Variants in PARD3B observed in about 807,000 individuals in gnomAD.
PARD3B encodes par-3 family cell polarity regulator beta.
PARD3B carries 103 observed loss-of-function variants against 130.2 expected under a neutral mutation model. The ratio of observed to expected loss-of-function variants is 0.79; its 90% CI spans 0.67 to 0.93. PARD3B has a LOEUF of 0.93. PARD3B is among the 40% of genes least tolerant of loss of function. The pLI, the probability that PARD3B is intolerant of heterozygous loss-of-function variation, is 0.00. For missense variants in PARD3B, 1,609 were observed against 1,499.2 expected (o/e 1.07, Z -1.21); for synonymous variants, 583 against 553.2 (o/e 1.05, Z -0.76).
chr2:204,855,550 AAAAT>A (rs57497717), intron 2 of PARD3B, among the ~76,000 whole-genome samples: 1,926 of 138,502 alleles, frequency 0.014, 44 homozygotes, highest in African/African-American at 0.054. Context: ...AAAAGAAAAA[AAAAT>A]ATATATATAT....
rs1051838446 is a variant in PARD3B, at chr2:205,325,503, T to G, written c.2630+23802T>G. 9.3e-5 allele frequency among the ~76,000 whole-genome samples: 13 copies of G among 140,264 alleles called. No individual in the cohort carries two copies. Among genetic ancestry groups the G allele is most frequent in the African/African-American group, 3.4e-4 (13 of 38,424 alleles). The allele number at this position is 140,264 out of a possible 152,430, so 92.0% of individuals were successfully genotyped here. Reference sequence around the variant, plus strand: ...ACACTCAGTACTGATAAAGATAGTTTACTAATATCATCTCATTGTTTATTA... The same window carrying G: ...ACACTCAGTACTGATAAAGATAGTTGACTAATATCATCTCATTGTTTATTA... On this transcript the variant is annotated intron_variant, in intron 18 of 22. Coordinates refer to ENST00000406610, the MANE Select transcript of PARD3B (RefSeq NM_001302769.2). This position sits in a 1 kb window ranked among gnomAD's most constrained non-coding sequence, Gnocchi z 4.1.
At chr2:204,934,530 C>A (rs1218599109) in intron 2 of PARD3B, among the ~76,000 whole-genome samples, 1 of 152,096 alleles carries the variant, frequency 6.6e-6, no homozygotes, top group Non-Finnish European at 1.5e-5. Context: ...AGTGACGTGT[C>A]CCTTGAATTA....
At chr2:205,391,275 A>T (rs2045850809) in intron 18 of PARD3B, among the ~76,000 whole-genome samples, 1 of 152,250 alleles carries the variant, frequency 6.6e-6, no homozygotes, top group Admixed American at 6.5e-5. Flanking sequence ...ACAAATGCGA[A>T]GGCAGTATCT....
At chr2:204,691,951 T>A (rs1210600791) in intron 2 of PARD3B, among the ~76,000 whole-genome samples, 1 of 152,134 alleles carries the variant, frequency 6.6e-6, no homozygotes, top group African/African-American at 2.4e-5. Flanking sequence ...AGAATCCTTT[T>A]ATCAGAACAT....
rs1691341303 is a variant in PARD3B at position 204,967,369 on chromosome 2, C to A, written c.394+2046C>A. Among the ~76,000 whole-genome samples, 2 of 152,190 alleles carry A rather than the reference C, an allele frequency of 1.3e-5. No homozygotes were observed. The highest frequency in any genetic ancestry group is 4.1e-4 in the South Asian group (2 of 4,834). On this transcript the variant is annotated intron_variant, in intron 3 of 22. Transcript: ENST00000406610. This position sits in a 1 kb window ranked among gnomAD's most constrained non-coding sequence, Gnocchi z 4.4. ...GCCATCAATTAGACTATTGCAGAGGCCTCAGACTGACCTCTTTCTTTACAC... is the reference window on the plus strand; with the variant it reads ...GCCATCAATTAGACTATTGCAGAGGACTCAGACTGACCTCTTTCTTTACAC...
chr2:204,817,677 A>G (rs1034719065), intron 2 of PARD3B, among the ~76,000 whole-genome samples: 10 of 152,076 alleles, frequency 6.6e-5, no homozygotes, highest in African/African-American at 2.4e-4. Context: ...CATCCTTCCT[A>G]TGAAATGTAG....
At chr2:204,851,477 G>T (rs966616548) in intron 2 of PARD3B, among the ~76,000 whole-genome samples, 7 of 152,084 alleles carry the variant, frequency 4.6e-5, no homozygotes, top group African/African-American at 1.7e-4. Context: ...CACCAAACTA[G>T]GTTCTGAATG....
intron 4 of PARD3B, among the ~76,000 whole-genome samples, chr2:205,082,564 T>G (rs1701483910): frequency 6.6e-6 from 1 of 152,210 alleles, no homozygotes; most frequent in Non-Finnish European, 1.5e-5. Flanking sequence ...AGGACACTAC[T>G]GTAATTTATG....
intron 13 of PARD3B, among the ~76,000 whole-genome samples, chr2:205,180,950 T>C (rs1184848998): frequency 1.3e-5 from 2 of 152,202 alleles, no homozygotes; most frequent in African/African-American, 2.4e-5. Flanking sequence ...TTCTGAGGAA[T>C]CTTGCTGGCA....
At chr2:204,562,342 A>C (rs2031372760) in intron 1 of PARD3B, among the ~76,000 whole-genome samples, 1 of 152,212 alleles carries the variant, frequency 6.6e-6, no homozygotes, top group African/African-American at 2.4e-5. Flanking sequence ...AGATTTATCC[A>C]AAGTGTGAGG....
In PARD3B at chr2:205,369,289, C is replaced by T. The variant is rs540809880; in HGVS notation, c.2631-31724C>T. Among the ~76,000 whole-genome samples the T allele has an allele frequency of 1.9e-4, 29 of 152,260 alleles. 1 individual carries two copies. Among genetic ancestry groups the T allele is most frequent in the African/African-American group, 7.0e-4 (29 of 41,566 alleles). ...TACCATTACCAAACCTGCTCTCCAG[C>T]GTCTAGTCACCACCCTTATTCTCCT... On this transcript the variant is annotated intron_variant, in intron 18 of 22. Coordinates refer to ENST00000406610, the MANE Select transcript of PARD3B (RefSeq NM_001302769.2).
At chr2:205,607,145 G>GA (rs373885693) in intron 22 of PARD3B, among the ~76,000 whole-genome samples, 46 of 152,136 alleles carry the variant, frequency 3.0e-4, no homozygotes, top group African/African-American at 1.1e-3. Context: ...GTCTCTGAAT[G>GA]AAACTTCCCA....
At chr2:205,312,838 C>A (rs1159393586) in intron 18 of PARD3B, among the ~76,000 whole-genome samples, 2 of 152,092 alleles carry the variant, frequency 1.3e-5, no homozygotes, top group Non-Finnish European at 2.9e-5. Context: ...CTATCACAGG[C>A]CTGGGCCCAG....
At chr2:204,919,696 T>A (rs2047590167) in intron 2 of PARD3B, among the ~76,000 whole-genome samples, 1 of 152,202 alleles carries the variant, frequency 6.6e-6, no homozygotes. Context: ...GAAATCAATA[T>A]GACCTTCTCC....
chr2:205,385,152 T>C (rs1196674342), intron 18 of PARD3B, among the ~76,000 whole-genome samples: 5 of 152,152 alleles, frequency 3.3e-5, no homozygotes, highest in Non-Finnish European at 7.4e-5. Flanking sequence ...TTTGCAGGAA[T>C]CCACAAAGCT....
chr2:204,883,796 G>A (rs150899852), intron 2 of PARD3B, among the ~76,000 whole-genome samples: 1 of 146,928 alleles, frequency 6.8e-6, no homozygotes, highest in East Asian at 2.1e-4. Flanking sequence ...CTGGAGTGCA[G>A]TGGTGCAAGC....
intron 19 of PARD3B, among the ~76,000 whole-genome samples, chr2:205,414,194 T>C (rs1305248313): frequency 6.6e-6 from 1 of 152,208 alleles, no homozygotes; most frequent in Non-Finnish European, 1.5e-5. Flanking sequence ...TCCAAGCCCG[T>C]GATTAGGAGT....
intron 1 of PARD3B, among the ~76,000 whole-genome samples, chr2:204,644,529 C>T (rs1440188947): frequency 6.6e-6 from 1 of 152,002 alleles, no homozygotes; most frequent in Non-Finnish European, 1.5e-5. Context: ...AATATTTTAA[C>T]AATAAAAGCA....
rs2105845614 is a variant in PARD3B at position 205,351,435 on chromosome 2, C to T, written c.2631-49578C>T. 6.6e-6 allele frequency among the ~76,000 whole-genome samples: 1 copy of T among 152,174 alleles called. No individual in the cohort carries two copies. Among genetic ancestry groups the T allele is most frequent in the Admixed American group, 6.5e-5 (1 of 15,282 alleles). ...GTTTTCAGAAAACTGAAAGGTTGCC[C>T]TCAAGCTAGGTGCTGGAGGGATTTT... is the stretch of plus-strand genomic sequence containing the variant. On this transcript the variant is annotated intron_variant, in intron 18 of 22. Transcript: ENST00000406610. This position sits in a 1 kb window ranked among gnomAD's most constrained non-coding sequence, Gnocchi z 4.2.
Sources: gnomAD v4.1 joint callset for allele counts (sites outside exome capture counted in the v4.1 genomes callset) on GRCh38, gnomAD v4.1.1 for gene constraint, Gnocchi (gnomAD v3.1) non-coding constraint, MANE v1.5 for transcripts, NCBI Gene and HGNC (gene_info 2026-07-23, HGNC 2026-07-21) for gene names.